RCAN2: variants seen among roughly 807,000 people sequenced by gnomAD.
The protein encoded by RCAN2 is calcipressin-2.
Under a neutral mutation model 23.6 loss-of-function variants are expected in RCAN2, and 9 were observed. The ratio of observed to expected loss-of-function variants is 0.38; its 90% confidence interval spans 0.23 to 0.67. The LOEUF (loss-of-function observed/expected upper bound fraction) is 0.67. Ranked by LOEUF, RCAN2 falls within the 30% of genes least tolerant of loss-of-function variation. The probability of loss-of-function intolerance (pLI) is 0.51; values close to 1 mark genes in which losing one functional copy is unlikely to be tolerated. For synonymous variants in RCAN2, 109 were observed against 115.7 expected, an observed-to-expected ratio of 0.94 and a Z score of 0.37; for missense variants, 273 against 302.3, an observed-to-expected ratio of 0.90 and a Z score of 0.72.
chr6:46,234,302 G>A (rs138501177), intron 4 of RCAN2, among the ~76,000 whole-genome samples: 149 of 152,358 alleles, frequency 9.8e-4, no homozygotes, highest in African/African-American at 3.4e-3. Context: ...AACAGCTGCT[G>A]AGAACCACAA....
At chr6:46,449,963 T>C (rs1207612050) in intron 2 of RCAN2, among the ~76,000 whole-genome samples, 2 of 151,680 alleles carry the variant, frequency 1.3e-5, no homozygotes, top group Non-Finnish European at 3.0e-5. Flanking sequence ...CAAAAATAAA[T>C]GGGATTACAT....
Position 46,337,546 on chromosome 6 carries a change from C to T in RCAN2, c.226-88650G>A, listed in dbSNP as rs1425469863. On this transcript the variant is annotated intron_variant, in intron 2 of 4. Coordinates refer to ENST00000371374, the MANE Select transcript of RCAN2 (RefSeq NM_001251974.2). ...GAAAAGCAAACGTACCATATTTGGA[C>T]CTGAACATCTAATCTTCTCACCAAA... Among the ~76,000 whole-genome samples, 6 of 152,280 alleles carry T rather than the reference C, an allele frequency of 3.9e-5. No individual in the cohort carries two copies. The East Asian group carries it at 1.2e-3, about 29-fold the overall frequency.
intron 2 of RCAN2, among the ~76,000 whole-genome samples, chr6:46,275,494 A>T (rs565899850): frequency 6.6e-6 from 1 of 152,030 alleles, no homozygotes; most frequent in East Asian, 1.9e-4. Context: ...TCAAATAGAG[A>T]CCTCCTCTAA....
intron 2 of RCAN2, among the ~76,000 whole-genome samples, chr6:46,372,472 G>A (rs1336380588): frequency 1.3e-5 from 2 of 152,172 alleles, no homozygotes; most frequent in African/African-American, 4.8e-5. Flanking sequence ...GGCTGTCACA[G>A]TCCCCAAACT....
At chr6:46,368,377 G>A (rs936481050) in intron 2 of RCAN2, among the ~76,000 whole-genome samples, 2 of 152,102 alleles carry the variant, frequency 1.3e-5, no homozygotes, top group Admixed American at 6.5e-5. Context: ...AGCTCCATAC[G>A]ATAGCTCTGC....
intron 2 of RCAN2, among the ~76,000 whole-genome samples, chr6:46,287,372 T>G (rs902556784): frequency 6.6e-6 from 1 of 152,234 alleles, no homozygotes; most frequent in Admixed American, 6.5e-5. Context: ...GACACTGTGC[T>G]GGGCACTTTG....
intron 4 of RCAN2, 35 bp from the exon 5 acceptor site, chr6:46,223,336 G>A: frequency 2.5e-6 from 4 of 1,600,192 alleles, no homozygotes; most frequent in Non-Finnish European, 2.6e-6. Flanking sequence ...GAGAAAGAGG[G>A]GGGGATTTCA....
At chr6:46,483,793 C>A (rs967989013) in intron 1 of RCAN2, among the ~76,000 whole-genome samples, 28 of 152,178 alleles carry the variant, frequency 1.8e-4, no homozygotes, top group Non-Finnish European at 1.5e-5. Flanking sequence ...TAAATAGTTG[C>A]TTGTATGTCA....
At chr6:46,379,100 T>A (rs1419885777) in intron 2 of RCAN2, among the ~76,000 whole-genome samples, 2 of 152,174 alleles carry the variant, frequency 1.3e-5, no homozygotes, top group East Asian at 1.9e-4. Flanking sequence ...TTGAGGAGTG[T>A]CTATGGATCT....
chr6:46,312,018 A>G (rs932087852), intron 2 of RCAN2, among the ~76,000 whole-genome samples: 1 of 152,132 alleles, frequency 6.6e-6, no homozygotes, highest in East Asian at 1.9e-4. Flanking sequence ...TAACTTCTGG[A>G]GTCTGCCCCT....
intron 2 of RCAN2, among the ~76,000 whole-genome samples, chr6:46,420,154 G>A (rs1438356676): frequency 6.6e-6 from 1 of 151,384 alleles, no homozygotes; most frequent in South Asian, 2.1e-4. Flanking sequence ...CAGATTATAA[G>A]CCATACAACC....
intron 2 of RCAN2, among the ~76,000 whole-genome samples, chr6:46,278,456 G>A (rs972851585): frequency 1.3e-5 from 2 of 151,860 alleles, no homozygotes; most frequent in African/African-American, 4.8e-5. Context: ...TCAGATCTAT[G>A]CCCTTTTACC....
intron 2 of RCAN2, among the ~76,000 whole-genome samples, chr6:46,323,763 C>A (rs545198599): frequency 1.3e-5 from 2 of 152,216 alleles, no homozygotes; most frequent in Non-Finnish European, 2.9e-5. Flanking sequence ...TTTAAAGAAA[C>A]CTTCGGCAGT....
intron 2 of RCAN2, among the ~76,000 whole-genome samples, chr6:46,429,317 T>C (rs946251818): frequency 2.0e-5 from 3 of 152,168 alleles, no homozygotes; most frequent in African/African-American, 7.2e-5. Flanking sequence ...AACAGAGGCA[T>C]TTTAACTCGA....
At chr6:46,420,999 T>A (rs960146265) in intron 2 of RCAN2, among the ~76,000 whole-genome samples, 1 of 152,242 alleles carries the variant, frequency 6.6e-6, no homozygotes, top group African/African-American at 2.4e-5. Flanking sequence ...TTACAGGAGC[T>A]CATAGACTAC....
intron 2 of RCAN2, among the ~76,000 whole-genome samples, chr6:46,447,173 G>A (rs946679864): frequency 6.6e-6 from 1 of 151,950 alleles, no homozygotes; most frequent in African/African-American, 2.4e-5. Flanking sequence ...CCAAAGGAGA[G>A]CAAGGTAGCT....
chr6:46,489,661 C>T (rs182795349), intron 1 of RCAN2, among the ~76,000 whole-genome samples: 7 of 152,310 alleles, frequency 4.6e-5, no homozygotes, highest in Admixed American at 4.6e-4. Context: ...CATGCCCTCC[C>T]AAATTTAGGT....
At chr6:46,394,516 G>A (rs1288665944) in intron 2 of RCAN2, among the ~76,000 whole-genome samples, 1 of 152,216 alleles carries the variant, frequency 6.6e-6, no homozygotes, top group Non-Finnish European at 1.5e-5. Context: ...GGCAGGCCCA[G>A]TCTTAACTTA....
intron 2 of RCAN2, among the ~76,000 whole-genome samples, chr6:46,259,056 C>T (rs547674452): frequency 2.6e-5 from 4 of 152,036 alleles, no homozygotes; most frequent in South Asian, 2.1e-4. Flanking sequence ...CACAGTGGTG[C>T]GCACCTGTGG....
Sources: gnomAD v4.1 joint callset for allele counts (sites outside exome capture counted in the v4.1 genomes callset) on GRCh38, gnomAD v4.1.1 for gene constraint, MANE v1.5 for transcripts, NCBI Gene and HGNC (gene_info 2026-07-23, HGNC 2026-07-21) for gene names.